The following METAP1 variants were observed in gnomAD, a reference collection of about 807,000 sequenced individuals.
METAP1 encodes methionyl aminopeptidase 1.
In METAP1, 28 loss-of-function variants were observed where a neutral mutation model predicts 53.8. The observed-to-expected ratio is 0.52, with a 90% CI of 0.39 to 0.71. The LOEUF is 0.71. Among genes scored for constraint, METAP1 ranks in the 30% least tolerant of loss-of-function variants. The probability of loss-of-function intolerance (pLI) is 0.00; values close to 1 mark genes in which losing one functional copy is unlikely to be tolerated. For synonymous variants in METAP1, 181 were observed against 165.7 expected (o/e 1.09, Z -0.71); for missense variants, 389 against 479.8 (o/e 0.81, Z 1.77).
chr4:99,015,298 T>C (rs1723692233), intron 1 of METAP1, among the ~76,000 whole-genome samples: 1 of 152,140 alleles, frequency 6.6e-6, no homozygotes, highest in African/African-American at 2.4e-5. Context: ...ATTGGGATAA[T>C]AGAAGTTTGA....
chr4:99,058,517 A>G (rs956914017), intron 10 of METAP1, among the ~76,000 whole-genome samples: 3 of 131,198 alleles, frequency 2.3e-5, no homozygotes, highest in African/African-American at 8.6e-5. Context: ...GGGAGTCACA[A>G]TTAGGGCTCC....
chr4:99,015,978 C>T (rs1723740596), intron 1 of METAP1, among the ~76,000 whole-genome samples: 1 of 152,112 alleles, frequency 6.6e-6, no homozygotes, highest in Non-Finnish European at 1.5e-5. Context: ...TGGGTCCACC[C>T]CTTCTCGGCA....
At chr4:99,046,936 CAAAAAAAAAAAA>C (rs56702946) in intron 8 of METAP1, among the ~76,000 whole-genome samples, 3 of 82,208 alleles carry the variant, frequency 3.6e-5, no homozygotes, top group Non-Finnish European at 7.8e-5. Flanking sequence ...ACTGAAGAAA[CAAAAAAAAAAAA>C]AAAAAAAAAA....
chr4:99,009,135 T>C (rs867303158), intron 1 of METAP1, among the ~76,000 whole-genome samples: 19 of 152,216 alleles, frequency 1.2e-4, no homozygotes, highest in African/African-American at 4.3e-4. Context: ...CAATATTTGT[T>C]CTTTTGTGAC....
intron 1 of METAP1, among the ~76,000 whole-genome samples, chr4:99,016,316 A>C (rs1279316742): frequency 1.3e-5 from 2 of 152,204 alleles, no homozygotes; most frequent in Non-Finnish European, 2.9e-5. Flanking sequence ...CCTGATTCTG[A>C]ATAAAGCAAT....
chr4:99,014,870 T>G (rs969553536), intron 1 of METAP1, among the ~76,000 whole-genome samples: 7 of 152,216 alleles, frequency 4.6e-5, no homozygotes, highest in African/African-American at 1.7e-4. Flanking sequence ...CTGTGAAATT[T>G]CCAAGGAATA....
At chr4:99,006,282 A>G (rs56693372) in intron 1 of METAP1, among the ~76,000 whole-genome samples, 1 of 152,232 alleles carries the variant, frequency 6.6e-6, no homozygotes, top group Non-Finnish European at 1.5e-5. Flanking sequence ...TGAATGTTAT[A>G]GACAAGGAAC....
intron 1 of METAP1, chr4:99,026,362 A>G: frequency 4.1e-6 from 4 of 985,470 alleles, no homozygotes; most frequent in South Asian, 9.4e-5. Flanking sequence ...CGAGTATTGA[A>G]TAAGTACATG....
chr4:99,026,274 T>G, intron 1 of METAP1: 21 of 984,992 alleles, frequency 2.1e-5, no homozygotes, highest in Non-Finnish European at 2.5e-5. Flanking sequence ...AAACTAAAGT[T>G]TTACCTACTA....
At chr4:99,030,962 ATAT>A (rs575689912) in intron 2 of METAP1, among the ~76,000 whole-genome samples, 87 of 152,140 alleles carry the variant, frequency 5.7e-4, no homozygotes, top group African/African-American at 1.9e-3. Flanking sequence ...TGTAGAATTG[ATAT>A]TATTTCTTCT....
At chr4:99,008,398 T>C (rs1479588607) in intron 1 of METAP1, among the ~76,000 whole-genome samples, 4 of 152,220 alleles carry the variant, frequency 2.6e-5, no homozygotes, top group African/African-American at 9.6e-5. Context: ...TTTTCCAAAA[T>C]GTAAATATTT....
At chr4:98,999,460 T>C (rs566249082) in intron 1 of METAP1, among the ~76,000 whole-genome samples, 6 of 150,526 alleles carry the variant, frequency 4.0e-5, no homozygotes, top group South Asian at 2.1e-4. Context: ...TTTATTGTTA[T>C]ACTGTTTTAT....
chr4:99,034,350 A>C lies in METAP1; in HGVS notation c.279+8A>C, dbSNP rs1229966760. 1.4e-6 allele frequency: 2 copies of C among 1,413,198 alleles called. No homozygotes were observed. The highest frequency in any genetic ancestry group is 4.0e-5 in the Admixed American group (2 of 49,564). The allele number at this position is 1,413,198 out of a possible 1,614,324, so 87.5% of individuals were successfully genotyped here. A position where few individuals can be genotyped will look rare whatever the true frequency, so the allele number is the denominator to read the frequency against. Reference sequence around the variant, plus strand: ...AGACCACATTATCCACTGGTGAGTAAATAAGGTAATAAAAACAACATTCCA... The same window carrying C: ...AGACCACATTATCCACTGGTGAGTACATAAGGTAATAAAAACAACATTCCA... On this transcript the variant is annotated splice_region_variant and intron_variant, in intron 3 of 10. Coordinates refer to ENST00000296411, the MANE Select transcript of METAP1 (RefSeq NM_015143.3).
rs780163135 is a variant in METAP1, at chr4:99,043,245, A to G, written c.517-4A>G. 2.6e-6 allele frequency: 4 copies of G among 1,557,614 alleles called. No individual in the cohort carries two copies. The highest frequency in any genetic ancestry group is 1.9e-5 in the Admixed American group (1 of 53,956). On this transcript the variant is annotated splice_polypyrimidine_tract_variant and splice_region_variant and intron_variant, in intron 6 of 10. Coordinates refer to ENST00000296411, the MANE Select transcript of METAP1 (RefSeq NM_015143.3). The stretch of plus-strand genomic sequence containing the variant: ...TATTCCAAATTATTTTTTCTGTATT[A>G]TAGGCATGTATTGCAAGAAATTGCT...
chr4:98,999,379 T>G (rs1244830577), intron 1 of METAP1, among the ~76,000 whole-genome samples: 1 of 151,862 alleles, frequency 6.6e-6, no homozygotes, highest in East Asian at 1.9e-4. Flanking sequence ...ATCTCAGGGT[T>G]TTGATGAAGA....
intron 1 of METAP1, chr4:99,023,055 C>G: frequency 7.3e-7 from 1 of 1,372,526 alleles, no homozygotes; most frequent in African/African-American, 1.4e-5. Flanking sequence ...CCTGCTCCTC[C>G]TCCACATCTA....
chr4:99,037,794 GT>G (rs1360643541), intron 4 of METAP1: 1 of 151,754 alleles, frequency 6.6e-6, no homozygotes, highest in Non-Finnish European at 1.5e-5. Context: ...TTGCATGTTT[GT>G]TTTTCCATGT....
chr4:99,028,838 A>G, intron 1 of METAP1, 29 bp from the exon 2 acceptor site: 1 of 1,483,212 alleles, frequency 6.7e-7, no homozygotes, highest in Non-Finnish European at 9.2e-7. Flanking sequence ...GGAAGGCCTG[A>G]CACTAATTTT....
chr4:98,999,459 A>G (rs987883624), intron 1 of METAP1, among the ~76,000 whole-genome samples: 2 of 146,652 alleles, frequency 1.4e-5, no homozygotes, highest in African/African-American at 5.1e-5. Context: ...TTTTATTGTT[A>G]TACTGTTTTA....
Sources: gnomAD v4.1 joint callset for allele counts (sites outside exome capture counted in the v4.1 genomes callset) on GRCh38, gnomAD v4.1.1 for gene constraint, MANE v1.5 for transcripts, NCBI Gene and HGNC (gene_info 2026-07-23, HGNC 2026-07-21) for gene names.